NBAS: variants seen among roughly 807,000 people sequenced by gnomAD.
NBAS encodes the protein NBAS subunit of NRZ tethering complex.
A neutral mutation model predicts 302.5 loss-of-function variants in NBAS; 219 were observed. The observed-to-expected ratio is 0.72, with a 90% confidence interval of 0.65 to 0.81. The LOEUF (loss-of-function observed/expected upper bound fraction) is 0.81, where lower values mean the gene tolerates loss of function less well. Ranked by LOEUF, NBAS falls within the 30% of genes least tolerant of loss-of-function variation. The pLI is 0.00. For missense variants in NBAS, 2,932 were observed against 2,841.6 expected (o/e 1.03, Z -0.72); for synonymous variants, 1,118 against 1,021.6 (o/e 1.09, Z -1.80).
the NBAS span, among the ~76,000 whole-genome samples, chr2:14,807,864 A>C: frequency 6.6e-6 from 1 of 152,294 alleles, no homozygotes; most frequent in East Asian, 1.9e-4. Flanking sequence ...AGCATTGGGC[A>C]CACAGTAGAT....
chr2:14,785,294 A>T, the NBAS span, among the ~76,000 whole-genome samples: 7 of 152,036 alleles, frequency 4.6e-5, no homozygotes, highest in Non-Finnish European at 8.8e-5. Context: ...CTCTTTTCCT[A>T]ATTGAATACC....
chr2:15,054,565 A>G, the NBAS span, among the ~76,000 whole-genome samples: 1 of 152,248 alleles, frequency 6.6e-6, no homozygotes, highest in Non-Finnish European at 1.5e-5. Context: ...CCTGGACTCA[A>G]ACTCCATAAC....
At chr2:14,809,045 A>T in the NBAS span, among the ~76,000 whole-genome samples, 13 of 152,212 alleles carry the variant, frequency 8.5e-5, no homozygotes, top group Non-Finnish European at 1.9e-4. Context: ...AGGAATTTCT[A>T]AGCAGCAAAG....
intron 21 of NBAS, among the ~76,000 whole-genome samples, chr2:15,437,518 G>A (rs1213994422): frequency 2.6e-5 from 4 of 152,226 alleles, no homozygotes; most frequent in Non-Finnish European, 4.4e-5. Context: ...AAATGAAGAG[G>A]GAGTGTTCTG....
chr2:15,327,587 C>T (rs1162871906), intron 38 of NBAS, among the ~76,000 whole-genome samples, 163 bp downstream of exon 38: 1 of 152,074 alleles, frequency 6.6e-6, no homozygotes, highest in African/African-American at 2.4e-5. Flanking sequence ...GTGTTTTAAA[C>T]AAAATTAATA....
chr2:15,140,566 T>A, the NBAS span, among the ~76,000 whole-genome samples: 3 of 152,198 alleles, frequency 2.0e-5, no homozygotes, highest in African/African-American at 7.2e-5. Flanking sequence ...TTATATAAAA[T>A]TTTGTACAGG....
chr2:15,009,888 A>G, the NBAS span, among the ~76,000 whole-genome samples: 1 of 151,900 alleles, frequency 6.6e-6, no homozygotes, highest in Non-Finnish European at 1.5e-5. Flanking sequence ...AAAATTATGA[A>G]ACTCAGAGCT....
chr2:15,114,300 T>C, the NBAS span, among the ~76,000 whole-genome samples: 1 of 152,000 alleles, frequency 6.6e-6, no homozygotes, highest in Non-Finnish European at 1.5e-5. Context: ...TTCCCCAGAG[T>C]CCTCTCTCCC....
chr2:14,821,740 C>A, the NBAS span, among the ~76,000 whole-genome samples: 72 of 152,142 alleles, frequency 4.7e-4, no homozygotes, highest in African/African-American at 1.7e-3. Flanking sequence ...GGGCTGGGCG[C>A]GATGGCTTAC....
the NBAS span, among the ~76,000 whole-genome samples, chr2:15,061,769 A>G: frequency 6.6e-6 from 1 of 152,228 alleles, no homozygotes; most frequent in East Asian, 1.9e-4. Context: ...CAGTGTGTTC[A>G]TGGGAACCAT....
intron 28 of NBAS, among the ~76,000 whole-genome samples, chr2:15,389,918 C>T (rs1675503477): frequency 6.6e-6 from 1 of 152,154 alleles, no homozygotes; most frequent in South Asian, 2.1e-4. Context: ...TCAATCTAAG[C>T]AGAGACTTCT....
chr2:15,253,697 G>T (rs1558477535), intron 44 of NBAS, among the ~76,000 whole-genome samples: 1 of 152,052 alleles, frequency 6.6e-6, no homozygotes, highest in Non-Finnish European at 1.5e-5. Context: ...CACAAGAAAG[G>T]CATGTCTGAC....
intron 34 of NBAS, 68 bp downstream of exon 34, chr2:15,353,485 C>A (rs1673464964): frequency 6.3e-7 from 1 of 1,579,892 alleles, no homozygotes; most frequent in Admixed American, 1.7e-5. Flanking sequence ...TGACCACATA[C>A]CTCAGATACA....
intron 47 of NBAS, among the ~76,000 whole-genome samples, chr2:15,225,024 T>C (rs1383140629): frequency 6.6e-6 from 1 of 152,088 alleles, no homozygotes; most frequent in Non-Finnish European, 1.5e-5. Context: ...TTTAGGAAAA[T>C]CATAATCAAG....
At chr2:15,416,845 G>A (rs1013462684) in intron 24 of NBAS, among the ~76,000 whole-genome samples, 5 of 149,040 alleles carry the variant, frequency 3.4e-5, no homozygotes, top group Non-Finnish European at 7.4e-5. Context: ...ATAAATATAA[G>A]ATGGGGGAAA....
At chr2:15,069,842 C>A in the NBAS span, among the ~76,000 whole-genome samples, 2 of 152,096 alleles carry the variant, frequency 1.3e-5, no homozygotes, top group African/African-American at 4.8e-5. Context: ...TTAAAAAATG[C>A]GAGTAGATCA....
At chr2:15,270,546 G>C (rs1318475577) in intron 44 of NBAS, among the ~76,000 whole-genome samples, 1 of 152,064 alleles carries the variant, frequency 6.6e-6, no homozygotes, top group Non-Finnish European at 1.5e-5. Flanking sequence ...TAATTCTTAA[G>C]AATATTAAAG....
chr2:14,848,052 A>C, the NBAS span, among the ~76,000 whole-genome samples: 4 of 152,210 alleles, frequency 2.6e-5, no homozygotes, highest in Admixed American at 2.6e-4. Flanking sequence ...GAAGAAATTA[A>C]GAAGAAAATT....
At chr2:15,259,868 G>A (rs1169549146) in intron 44 of NBAS, among the ~76,000 whole-genome samples, 1 of 152,216 alleles carries the variant, frequency 6.6e-6, no homozygotes, top group African/African-American at 2.4e-5. Flanking sequence ...GTGAAGCTGA[G>A]CTTGGTTTAT....
Sources: allele counts gnomAD v4.1 joint callset (sites outside exome capture counted in the v4.1 genomes callset), GRCh38; gene constraint gnomAD v4.1.1; transcripts MANE v1.5; gene names NCBI Gene and HGNC (gene_info 2026-07-23, HGNC 2026-07-21).